PTPRD: variants seen among roughly 807,000 people sequenced by gnomAD.
The protein encoded by PTPRD is receptor-type tyrosine-protein phosphatase delta.
In PTPRD, 34 loss-of-function variants were observed where a neutral mutation model predicts 214.5. The observed-to-expected ratio is 0.16, with a 90% CI of 0.12 to 0.21. The LOEUF (loss-of-function observed/expected upper bound fraction) is 0.21, where lower values mean the gene tolerates loss of function less well. Among genes scored for constraint, PTPRD ranks in the 10% least tolerant of loss-of-function variants. The pLI, the probability that PTPRD is intolerant of heterozygous loss-of-function variation, is 1.00. For missense variants in PTPRD, 2,545 were observed against 2,398.7 expected, an observed-to-expected ratio of 1.06 and a Z score of -1.27; for synonymous variants, 1,128 against 845.7, an observed-to-expected ratio of 1.33 and a Z score of -5.79.
chr9:9,029,273 T>C (rs1234373610), intron 10 of PTPRD, among the ~76,000 whole-genome samples: 2 of 152,022 alleles, frequency 1.3e-5, no homozygotes, highest in Admixed American at 6.6e-5. Context: ...TGTCAAGCTA[T>C]TGAGTAACTG....
At position 8,623,900 on chromosome 9, in the gene PTPRD, C is replaced by T. The variant is rs547163124; in HGVS notation, c.352+9417G>A. Among the ~76,000 whole-genome samples, 26 of 152,006 alleles carry T rather than the reference C, an allele frequency of 1.7e-4. No homozygotes were observed. In the South Asian group the frequency reaches 5.4e-3, roughly 31 times the overall value. ...AACAGAAATAATCAAAAAAACAAAA[C>T]AAACGAATAAACGAAAAAGCAAGAA... On this transcript the variant is annotated intron_variant, in intron 14 of 45. Coordinates refer to ENST00000381196, the MANE Select transcript of PTPRD (RefSeq NM_002839.4).
intron 3 of PTPRD, among the ~76,000 whole-genome samples, chr9:10,240,354 A>C (rs917052264): frequency 2.0e-5 from 3 of 151,842 alleles, no homozygotes; most frequent in African/African-American, 7.3e-5. Context: ...GACCCTTATG[A>C]TAGAGAGGAA....
At chr9:9,718,312 T>G (rs2097869262) in intron 7 of PTPRD, among the ~76,000 whole-genome samples, 1 of 152,178 alleles carries the variant, frequency 6.6e-6, no homozygotes, top group Non-Finnish European at 1.5e-5. Context: ...TGAAATTGTA[T>G]GCATTGAAGT....
intron 2 of PTPRD, among the ~76,000 whole-genome samples, chr9:10,510,811 C>G (rs2133766260): frequency 6.6e-6 from 1 of 152,182 alleles, no homozygotes; most frequent in East Asian, 1.9e-4. Flanking sequence ...TCTTACCTAA[C>G]CGCATTTTTG....
intron 11 of PTPRD, among the ~76,000 whole-genome samples, chr9:8,796,573 G>A (rs1488722047): frequency 6.6e-6 from 1 of 152,074 alleles, no homozygotes; most frequent in Non-Finnish European, 1.5e-5. Flanking sequence ...TAAAAACTCT[G>A]CAGTTATCTG....
At chr9:8,886,263 GA>G (rs1172798983) in intron 11 of PTPRD, among the ~76,000 whole-genome samples, 1 of 152,116 alleles carries the variant, frequency 6.6e-6, no homozygotes, top group African/African-American at 2.4e-5. Flanking sequence ...AACTACACAT[GA>G]AAAGATATGC....
At chr9:9,941,698 G>T (rs773671116) in intron 4 of PTPRD, among the ~76,000 whole-genome samples, 12 of 152,240 alleles carry the variant, frequency 7.9e-5, no homozygotes, top group Middle Eastern at 6.8e-3. Flanking sequence ...TTTCCCAAAG[G>T]ACAGATCGGC....
At chr9:8,769,712 T>C (rs1249096824) in intron 11 of PTPRD, among the ~76,000 whole-genome samples, 1 of 152,062 alleles carries the variant, frequency 6.6e-6, no homozygotes, top group Non-Finnish European at 1.5e-5. Context: ...GTTCAACAGT[T>C]TTCTATCTCT....
chr9:9,671,521 C>A (rs2096832389), intron 7 of PTPRD, among the ~76,000 whole-genome samples: 1 of 151,968 alleles, frequency 6.6e-6, no homozygotes, highest in African/African-American at 2.4e-5. Context: ...GGGCCAGGGG[C>A]AGAATGACAT....
chr9:10,127,725 T>TG (rs1303128330), intron 3 of PTPRD, among the ~76,000 whole-genome samples: 1 of 152,172 alleles, frequency 6.6e-6, no homozygotes, highest in Non-Finnish European at 1.5e-5. Context: ...TTTTCCCACT[T>TG]GTGCCACCCC....
rs1326782844 is a variant in PTPRD at position 9,969,347 on chromosome 9, C to A, written c.-471-30737G>T. Among the ~76,000 whole-genome samples, 3 of 152,100 alleles carry A rather than the reference C, an allele frequency of 2.0e-5. No homozygotes were observed. The South Asian group carries it at 6.2e-4, about 32-fold the overall frequency. On this transcript the variant is annotated intron_variant, in intron 4 of 45. Transcript: ENST00000381196. ...GGCCTCATTAAACTCTCTCTTTCCT[C>A]CTCAACTTCCTCTTCTTCCTACTCC...
intron 8 of PTPRD, among the ~76,000 whole-genome samples, chr9:9,553,999 A>G (rs1480040578): frequency 2.6e-5 from 4 of 152,064 alleles, no homozygotes; most frequent in African/African-American, 4.8e-5. Context: ...GAGTTGGACA[A>G]TGATGGGAAC....
rs1555249397 is a variant in PTPRD at position 9,333,504 on chromosome 9, T to TATATATATATATATATATA, written c.-203+63944_-203+63945insTATATATATATATATATAT. Among the ~76,000 whole-genome samples the TATATATATATATATATATA allele has an allele frequency of 5.5e-4, 76 of 137,226 alleles. 2 individuals are homozygous for TATATATATATATATATATA. Among genetic ancestry groups the TATATATATATATATATATA allele is most frequent in the African/African-American group, 2.1e-3 (73 of 34,284 alleles). The allele number at this position is 137,226 out of a possible 152,430, so 90.0% of individuals were successfully genotyped here. ...TAAAACATATATATTATATAGTATATTATATATATATATATATATATAAAG... is the reference window on the plus strand; with the variant it reads ...TAAAACATATATATTATATAGTATATATATATATATATATATATATATATATATATATATATATATAAAG... On this transcript the variant is annotated intron_variant, in intron 9 of 45. Transcript: ENST00000381196.
At chr9:10,080,835 G>C (rs1389298706) in intron 3 of PTPRD, among the ~76,000 whole-genome samples, 1 of 152,030 alleles carries the variant, frequency 6.6e-6, no homozygotes, top group African/African-American at 2.4e-5. Context: ...TGGCAAGCTA[G>C]ACATACTGAG....
intron 8 of PTPRD, among the ~76,000 whole-genome samples, chr9:9,524,448 A>C (rs2073526252): frequency 6.6e-6 from 1 of 152,200 alleles, no homozygotes; most frequent in Non-Finnish European, 1.5e-5. Flanking sequence ...TAATACTAAT[A>C]ATGCAAATTT....
intron 3 of PTPRD, among the ~76,000 whole-genome samples, chr9:10,219,928 T>C (rs1001150243): frequency 6.6e-6 from 1 of 151,818 alleles, no homozygotes; most frequent in Non-Finnish European, 1.5e-5. Context: ...AAGAGCTACA[T>C]TGTTATATAC....
At chr9:9,522,485 G>A (rs2097007250) in intron 8 of PTPRD, among the ~76,000 whole-genome samples, 1 of 152,074 alleles carries the variant, frequency 6.6e-6, no homozygotes, top group Non-Finnish European at 1.5e-5. Context: ...CACTACTGAT[G>A]TGTTGACAGA....
intron 11 of PTPRD, among the ~76,000 whole-genome samples, chr9:8,866,958 T>C (rs1040405505): frequency 3.3e-5 from 5 of 152,162 alleles, no homozygotes; most frequent in Non-Finnish European, 7.3e-5. Flanking sequence ...AGTGGCAAAA[T>C]GTTATAAGCG....
At chr9:9,361,907 A>G (rs1013894754) in intron 9 of PTPRD, among the ~76,000 whole-genome samples, 3 of 150,952 alleles carry the variant, frequency 2.0e-5, no homozygotes, top group Non-Finnish European at 3.0e-5. Context: ...AAACAAGGAT[A>G]GAAACCCCCT....
Sources: allele counts gnomAD v4.1 joint callset (sites outside exome capture counted in the v4.1 genomes callset), GRCh38; gene constraint gnomAD v4.1.1; transcripts MANE v1.5; gene names NCBI Gene and HGNC (gene_info 2026-07-23, HGNC 2026-07-21).